The following TRPM3 variants were observed in gnomAD, a reference collection of about 807,000 sequenced individuals.
The protein encoded by TRPM3 is transient receptor potential cation channel subfamily M member 3.
A neutral mutation model predicts 181.2 loss-of-function variants in TRPM3; 77 were observed. That is an observed-to-expected ratio of 0.42 (90% CI 0.35 to 0.51). The LOEUF (loss-of-function observed/expected upper bound fraction) is 0.51. Among genes scored for constraint, TRPM3 ranks in the 20% least tolerant of loss-of-function variants. TRPM3 has a pLI of 0.01. For synonymous variants in TRPM3, 745 were observed against 796.4 expected (o/e 0.94, Z 1.09); for missense variants, 1,759 against 2,196.7 (o/e 0.80, Z 3.98).
At chr9:71,190,115 C>T (rs1329760016) in intron 1 of TRPM3, among the ~76,000 whole-genome samples, 2 of 151,802 alleles carry the variant, frequency 1.3e-5, no homozygotes, top group Non-Finnish European at 2.9e-5. Context: ...TACCTTTTGT[C>T]TAAAAGCGTA....
intron 1 of TRPM3, among the ~76,000 whole-genome samples, chr9:71,398,517 A>T (rs2093255557): frequency 6.6e-6 from 1 of 152,124 alleles, no homozygotes; most frequent in South Asian, 2.1e-4. Flanking sequence ...TGGTGTCCTC[A>T]TGAGAGTGAA....
intron 1 of TRPM3, among the ~76,000 whole-genome samples, chr9:71,301,197 C>T (rs1396992945): frequency 6.6e-6 from 1 of 152,264 alleles, no homozygotes; most frequent in Non-Finnish European, 1.5e-5. Flanking sequence ...AGAGATCTCA[C>T]CTCATTCATC....
chr9:70,877,579 G>A (rs1379559000), intron 1 of TRPM3, among the ~76,000 whole-genome samples: 1 of 151,892 alleles, frequency 6.6e-6, no homozygotes, highest in Non-Finnish European at 1.5e-5. Context: ...TGGGACATGA[G>A]GGATAAGTGT....
chr9:71,286,648 G>A (rs1005213332), intron 1 of TRPM3, among the ~76,000 whole-genome samples: 5 of 152,058 alleles, frequency 3.3e-5, no homozygotes, highest in African/African-American at 1.2e-4. Context: ...AAAGGAAATA[G>A]AAGTCAGTAC....
chr9:70,537,726 T>C (rs2042153643), intron 25 of TRPM3, among the ~76,000 whole-genome samples: 1 of 152,108 alleles, frequency 6.6e-6, no homozygotes, highest in African/African-American at 2.4e-5. Context: ...ATGGAACAGT[T>C]CTTATTGAAG....
At chr9:71,084,996 A>G (rs2988074) in intron 1 of TRPM3, among the ~76,000 whole-genome samples, 84,391 of 151,742 alleles carry the variant, frequency 0.56, 24,026 homozygotes, top group African/African-American at 0.67. Flanking sequence ...CCATCTGATC[A>G]TTGACAAAAT....
chr9:70,964,658 C>T (rs529836689), intron 1 of TRPM3, among the ~76,000 whole-genome samples: 1 of 152,144 alleles, frequency 6.6e-6, no homozygotes, highest in South Asian at 2.1e-4. Flanking sequence ...TCAAGCAGAG[C>T]CTTAGGTGTG....
Position 70,677,172 on chromosome 9 carries a change from C to T in TRPM3, c.1345+4334G>A, listed in dbSNP as rs539989307. 3.3e-5 allele frequency among the ~76,000 whole-genome samples: 5 copies of T among 152,252 alleles called. 1 individual carries two copies. Among genetic ancestry groups the T allele is most frequent in the East Asian group, 1.9e-4 (1 of 5,170 alleles). On this transcript the variant is annotated intron_variant, in intron 9 of 25. Transcript: ENST00000677713. ...AGACACGCCCTCCAGTGTGCCATGT[C>T]GGCTTACCATTGCCATGGCAACACC...
chr9:71,399,037 C>T (rs1450692302), intron 1 of TRPM3, among the ~76,000 whole-genome samples: 1 of 151,968 alleles, frequency 6.6e-6, no homozygotes, highest in Non-Finnish European at 1.5e-5. Flanking sequence ...TATCCTTTGT[C>T]CCAATAGTGC....
intron 1 of TRPM3, among the ~76,000 whole-genome samples, chr9:71,420,993 G>GAGAAAAAGAA (rs2093759109): frequency 1.1e-5 from 1 of 94,222 alleles, no homozygotes; most frequent in African/African-American, 3.4e-5. Context: ...GAAAAAGAGA[G>GAGAAAAAGAA]AGAAAAAGAG....
intron 6 of TRPM3, among the ~76,000 whole-genome samples, chr9:70,803,914 C>A (rs974852434): frequency 6.6e-6 from 1 of 152,154 alleles, no homozygotes; most frequent in African/African-American, 2.4e-5. Context: ...TTGAACAGAC[C>A]TTTATCACCT....
At chr9:70,890,368 C>T (rs896877329) in intron 1 of TRPM3, among the ~76,000 whole-genome samples, 1 of 151,720 alleles carries the variant, frequency 6.6e-6, no homozygotes, top group Non-Finnish European at 1.5e-5. Context: ...ATAAAGGTTT[C>T]CAGCAAAAGA....
At chr9:71,147,997 C>T (rs2075520623) in intron 1 of TRPM3, among the ~76,000 whole-genome samples, 1 of 151,972 alleles carries the variant, frequency 6.6e-6, no homozygotes, top group Admixed American at 6.6e-5. Context: ...AAAATCTAGC[C>T]AGCAAGTCTC....
chr9:71,350,436 T>A (rs56197730), intron 1 of TRPM3, among the ~76,000 whole-genome samples: 2 of 152,158 alleles, frequency 1.3e-5, no homozygotes, highest in African/African-American at 2.4e-5. Context: ...AAAAAATCTC[T>A]AGTTGTCGTC....
intron 10 of TRPM3, 82 bp downstream of exon 10, chr9:70,640,478 T>A (rs890471326): frequency 9.3e-6 from 10 of 1,069,834 alleles, no homozygotes; most frequent in Non-Finnish European, 1.4e-5. Context: ...AATCGTTTTC[T>A]GAGCTGACCT....
At chr9:70,915,324 G>C (rs760392772) in intron 1 of TRPM3, among the ~76,000 whole-genome samples, 17 of 151,664 alleles carry the variant, frequency 1.1e-4, no homozygotes, top group Non-Finnish European at 2.4e-4. Flanking sequence ...TTGAGACAGA[G>C]TCTTACTCTG....
chr9:70,942,125 C>G (rs2096891494), intron 1 of TRPM3, among the ~76,000 whole-genome samples: 1 of 152,080 alleles, frequency 6.6e-6, no homozygotes, highest in Non-Finnish European at 1.5e-5. Context: ...GAACAATTGG[C>G]CACCTTTCAA....
intron 1 of TRPM3, among the ~76,000 whole-genome samples, chr9:71,279,429 A>T (rs1331441623): frequency 6.6e-6 from 1 of 152,216 alleles, no homozygotes; most frequent in Non-Finnish European, 1.5e-5. Flanking sequence ...AAAACAAAGT[A>T]TTTTTAAAAG....
chr9:71,049,886 A>G (rs2059876868), intron 1 of TRPM3, among the ~76,000 whole-genome samples: 1 of 152,180 alleles, frequency 6.6e-6, no homozygotes, highest in African/African-American at 2.4e-5. Flanking sequence ...GTGACCCACA[A>G]GCTAATAATA....
Sources: gnomAD v4.1 joint callset for allele counts (sites outside exome capture counted in the v4.1 genomes callset) on GRCh38, gnomAD v4.1.1 for gene constraint, MANE v1.5 for transcripts, NCBI Gene and HGNC (gene_info 2026-07-23, HGNC 2026-07-21) for gene names.